SKI: variants seen among roughly 807,000 people sequenced by gnomAD.
The protein encoded by SKI is SKI proto-oncogene, also known as ski oncogene.
SKI carries 23 observed loss-of-function variants against 59.3 expected under a neutral mutation model. The observed-to-expected ratio is 0.39, with a 90% CI of 0.28 to 0.55. SKI has a LOEUF of 0.55. SKI is among the 20% of genes least tolerant of loss of function. SKI has a pLI of 0.67. For missense variants in SKI, 1,017 were observed against 1,038.9 expected (o/e 0.98, Z 0.29); for synonymous variants, 673 against 488.6 (o/e 1.38, Z -4.98).
intron 1 of SKI, among the ~76,000 whole-genome samples, chr1:2,287,009 G>A (rs1247251417): frequency 2.6e-5 from 4 of 152,250 alleles, no homozygotes; most frequent in Non-Finnish European, 5.9e-5. Flanking sequence ...CACAAAGCCA[G>A]CTCTGGATGG....
chr1:2,293,475 A>G (rs751503878), intron 1 of SKI, among the ~76,000 whole-genome samples: 1 of 140,110 alleles, frequency 7.1e-6, no homozygotes, highest in South Asian at 2.3e-4. Flanking sequence ...CTCTCCTTCC[A>G]GGCACATTTG....
chr1:2,285,904 C>G (rs1372105709), intron 1 of SKI, among the ~76,000 whole-genome samples: 2 of 130,942 alleles, frequency 1.5e-5, no homozygotes, highest in African/African-American at 5.9e-5. Context: ...AACGGAGTCT[C>G]GCACTGTTGC....
In SKI at chr1:2,229,210, C is replaced by T. The variant is rs1391345174; in HGVS notation, c.444C>T (p.Ile148=). The T allele has an allele frequency of 2.5e-6, 4 of 1,609,648 alleles. No individual in the cohort carries two copies. Among genetic ancestry groups the T allele is most frequent in the Non-Finnish European group, 3.4e-6 (4 of 1,178,546 alleles). The change falls in exon 1 of 7, where the codon ATC becomes ATT. Residue 148 remains isoleucine, a synonymous_variant. Coordinates refer to ENST00000378536, the MANE Select transcript of SKI (RefSeq NM_003036.4). The surrounding 1 kb of genome is among the most constrained non-coding windows in gnomAD (Gnocchi z 6.3). ...ACGCGGTGTGCGACGAGCTCCACAT[C>T]TACTGCTCGCGCTGCACGGCCGACC... ...QINAVCDELH[I]YCSRCTADQL... is the part of the protein sequence containing the mutation.
chr1:2,260,764 C>T (rs1639372572), intron 1 of SKI, among the ~76,000 whole-genome samples: 1 of 151,956 alleles, frequency 6.6e-6, no homozygotes, highest in South Asian at 2.1e-4. Flanking sequence ...TGGTTGCGAA[C>T]TCTAGCTCAA....
chr1:2,229,456 G>A lies in SKI; in HGVS notation c.690G>A (p.Gly230=), dbSNP rs754986836. 1.9e-6 allele frequency: 3 copies of A among 1,612,122 alleles called. No homozygotes were observed. Among genetic ancestry groups the A allele is most frequent in the South Asian group, 2.2e-5 (2 of 91,060 alleles). Residue 230 remains glycine (G), a synonymous_variant, in exon 1 of 7, where the codon GGG becomes GGA. Coordinates refer to ENST00000378536, the MANE Select transcript of SKI (RefSeq NM_003036.4). This position sits in a 1 kb window ranked among gnomAD's most constrained non-coding sequence, Gnocchi z 6.3. ...VYHECFGKCK[G]LLVPELYSSP... ...ACGAGTGCTTCGGCAAGTGTAAGGGGCTGCTGGTGCCCGAGCTCTACAGCA... is the reference window on the plus strand; with the variant it reads ...ACGAGTGCTTCGGCAAGTGTAAGGGACTGCTGGTGCCCGAGCTCTACAGCA...
chr1:2,287,029 G>A (rs982908737), intron 1 of SKI, among the ~76,000 whole-genome samples: 21 of 152,160 alleles, frequency 1.4e-4, no homozygotes, highest in East Asian at 1.9e-4. Flanking sequence ...GAAAAGTAAC[G>A]AGTGGAGGGC....
At chr1:2,241,251 C>A (rs945577326) in intron 1 of SKI, among the ~76,000 whole-genome samples, 20 of 152,222 alleles carry the variant, frequency 1.3e-4, no homozygotes, top group Non-Finnish European at 2.8e-4. Context: ...CTTCAAAGTG[C>A]CATCCTGTGT....
chr1:2,283,066 G>T (rs111248358), intron 1 of SKI, among the ~76,000 whole-genome samples: 2 of 152,334 alleles, frequency 1.3e-5, no homozygotes, highest in African/African-American at 4.8e-5. Context: ...GGCTGACTAG[G>T]GAGGATCCCG....
chr1:2,242,270 A>C (rs1319976880), intron 1 of SKI, among the ~76,000 whole-genome samples: 1 of 152,180 alleles, frequency 6.6e-6, no homozygotes, highest in African/African-American at 2.4e-5. Context: ...GTATGTGCTC[A>C]TCAAAGAACC....
chr1:2,300,765 G>A (rs946251754), intron 1 of SKI, among the ~76,000 whole-genome samples: 1 of 152,158 alleles, frequency 6.6e-6, no homozygotes, highest in Admixed American at 6.5e-5. Flanking sequence ...CCGAAGGCTC[G>A]TCCTGGCTCC....
chr1:2,232,024 C>T (rs572672373), intron 1 of SKI, among the ~76,000 whole-genome samples: 2 of 152,242 alleles, frequency 1.3e-5, no homozygotes, highest in East Asian at 3.9e-4. Context: ...AGTGTGGTCT[C>T]AGGGTGGGCG....
chr1:2,293,562 G>T (rs1003439121), intron 1 of SKI, among the ~76,000 whole-genome samples: 10 of 152,040 alleles, frequency 6.6e-5, no homozygotes, highest in African/African-American at 2.4e-4. Context: ...TGATTTCTTT[G>T]AACGGTTTTT....
At chr1:2,288,058 G>A (rs980493684) in intron 1 of SKI, among the ~76,000 whole-genome samples, 94 of 151,516 alleles carry the variant, frequency 6.2e-4, no homozygotes, top group Non-Finnish European at 3.8e-4. Context: ...GCACGATCTC[G>A]GCTCACCCCA....
intron 1 of SKI, among the ~76,000 whole-genome samples, chr1:2,287,461 C>T (rs1373598845): frequency 1.3e-5 from 2 of 151,872 alleles, no homozygotes; most frequent in African/African-American, 2.4e-5. Flanking sequence ...CTCAGCCTCC[C>T]GAGTAGCTGG....
intron 1 of SKI, among the ~76,000 whole-genome samples, chr1:2,258,674 C>T (rs1639322864): frequency 6.6e-6 from 1 of 152,006 alleles, no homozygotes; most frequent in Non-Finnish European, 1.5e-5. Flanking sequence ...CCTGCCTCAG[C>T]CTCCTGAGTA....
At chr1:2,264,076 T>C (rs1639446536) in intron 1 of SKI, among the ~76,000 whole-genome samples, 1 of 152,100 alleles carries the variant, frequency 6.6e-6, no homozygotes, top group African/African-American at 2.4e-5. Flanking sequence ...GTGTTTTTTG[T>C]GGGAAGATTT....
At chr1:2,235,994 C>T (rs1244771212) in intron 1 of SKI, among the ~76,000 whole-genome samples, 1 of 152,216 alleles carries the variant, frequency 6.6e-6, no homozygotes, top group Non-Finnish European at 1.5e-5. Flanking sequence ...TGGGAAACGG[C>T]CGAGATTCTG....
intron 1 of SKI, among the ~76,000 whole-genome samples, chr1:2,299,515 G>A (rs913985727): frequency 1.2e-4 from 19 of 152,196 alleles, no homozygotes; most frequent in African/African-American, 4.1e-4. Context: ...CCGCCTCTGC[G>A]GCGTCTCCCT....
intron 1 of SKI, among the ~76,000 whole-genome samples, chr1:2,302,351 G>A (rs970650306): frequency 6.6e-6 from 1 of 152,318 alleles, no homozygotes; most frequent in African/African-American, 2.4e-5. Context: ...CTTGGGGATG[G>A]TGTCCTTCAT....
Sources: gnomAD v4.1 joint callset for allele counts (sites outside exome capture counted in the v4.1 genomes callset) on GRCh38, gnomAD v4.1.1 for gene constraint, Gnocchi (gnomAD v3.1) non-coding constraint, MANE v1.5 for transcripts, NCBI Gene and HGNC (gene_info 2026-07-23, HGNC 2026-07-21) for gene names.